PDIA5: variants seen among roughly 807,000 people sequenced by gnomAD.
PDIA5 encodes protein disulfide isomerase family A member 5.
Under a neutral mutation model 77.6 loss-of-function variants are expected in PDIA5, and 58 were observed. The observed-to-expected ratio is 0.75, with a 90% CI of 0.61 to 0.93. PDIA5 has a LOEUF of 0.93. Among genes scored for constraint, PDIA5 ranks in the 40% least tolerant of loss-of-function variants. PDIA5 has a pLI of 0.00. For missense variants in PDIA5, 630 were observed against 647.7 expected, an observed-to-expected ratio of 0.97 and a Z score of 0.30; for synonymous variants, 250 against 252.1, an observed-to-expected ratio of 0.99 and a Z score of 0.08.
chr3:123,130,773 C>G (rs960679398), intron 11 of PDIA5, among the ~76,000 whole-genome samples, 157 bp downstream of exon 11: 6 of 152,122 alleles, frequency 3.9e-5, no homozygotes, highest in Admixed American at 6.5e-5. Flanking sequence ...GAGGTCCCCA[C>G]CCTCGTAGTG....
At chr3:123,132,849 G>C (rs1214041827) in intron 11 of PDIA5, among the ~76,000 whole-genome samples, 1 of 152,170 alleles carries the variant, frequency 6.6e-6, no homozygotes, top group East Asian at 1.9e-4. Context: ...CCATGTGTCT[G>C]TCCTTCCAGT....
chr3:123,150,224 C>T lies in PDIA5; in HGVS notation c.1143-10C>T, dbSNP rs375623351. On this transcript the variant is annotated splice_polypyrimidine_tract_variant and intron_variant, in intron 13 of 16. Transcript: ENST00000316218. Reference sequence around the variant, plus strand: ...TATGGCTGCCTCCCCACTCCCCTGGCTTCTTGCAGCCCTGAGGCCCCCCCG... The same window carrying T: ...TATGGCTGCCTCCCCACTCCCCTGGTTTCTTGCAGCCCTGAGGCCCCCCCG... 5.7e-5 allele frequency: 91 copies of T among 1,606,830 alleles called. No individual in the cohort carries two copies. Among genetic ancestry groups the T allele is most frequent in the Non-Finnish European group, 7.1e-5 (84 of 1,175,978 alleles).
At chr3:123,102,631 TA>T in intron 4 of PDIA5, 119 bp from the exon 5 acceptor site, 7 of 818,900 alleles carry the variant, frequency 8.5e-6, no homozygotes, top group East Asian at 2.8e-5. Flanking sequence ...TTATTTCTTT[TA>T]AAAAAAAATC....
At chr3:123,121,275 A>G (rs1007430516) in intron 8 of PDIA5, among the ~76,000 whole-genome samples, 15 of 152,212 alleles carry the variant, frequency 9.9e-5, no homozygotes, top group African/African-American at 3.4e-4. Flanking sequence ...AGCCCACGCT[A>G]AGAAGCTGCC....
chr3:123,145,972 G>T, intron 12 of PDIA5, 127 bp from the exon 13 acceptor site: 1 of 849,636 alleles, frequency 1.2e-6, no homozygotes, highest in South Asian at 1.7e-5. Flanking sequence ...GGAGCCCACT[G>T]GGCTAGCCAC....
chr3:123,086,124 T>C (rs1934132029), intron 1 of PDIA5, among the ~76,000 whole-genome samples: 1 of 152,194 alleles, frequency 6.6e-6, no homozygotes, highest in South Asian at 2.1e-4. Context: ...TGAATTCCAA[T>C]GGCAGATTAT....
intron 1 of PDIA5, among the ~76,000 whole-genome samples, chr3:123,068,380 G>A (rs1933634736): frequency 1.3e-5 from 2 of 152,222 alleles, no homozygotes; most frequent in South Asian, 2.1e-4. Flanking sequence ...TTGGAAGTGG[G>A]TGGGGAAAGA....
At position 123,105,706 on chromosome 3, in the gene PDIA5, G is replaced by A. The variant is rs144422897; in HGVS notation, c.388-1043G>A. On this transcript the variant is annotated intron_variant, in intron 5 of 16. Coordinates refer to ENST00000316218, the MANE Select transcript of PDIA5 (RefSeq NM_006810.4). ...TGCACACCCTTACTATTATAGAAGG[G>A]CACTTCCCTTTCTCATCTCAGGCCA... Among the ~76,000 whole-genome samples the A allele has an allele frequency of 2.0e-5, 3 of 150,652 alleles. No individual in the cohort carries two copies. The East Asian group carries it at 5.9e-4, about 29-fold the overall frequency.
Position 123,130,483 on chromosome 3 carries a change from G to A in PDIA5, c.777G>A (p.Pro259=), listed in dbSNP as rs141894453. Residue 259 remains proline, a synonymous_variant, in exon 11 of 17, where the codon CCG becomes CCA. Coordinates refer to ENST00000316218, the MANE Select transcript of PDIA5 (RefSeq NM_006810.4). ...CTGCCTGTTTTTGGTCTTCCAGTCC[G>A]CAGCCGCCACAGCCCCAGGTCCCTG... The part of the protein sequence containing the change: ...AEDIVEWLKN[P]QPPQPQVPET... 20 of 1,612,886 alleles carry A rather than the reference G, an allele frequency of 1.2e-5. No homozygotes were observed. Among genetic ancestry groups the A allele is most frequent in the Admixed American group, 5.0e-5 (3 of 59,840 alleles).
intron 11 of PDIA5, among the ~76,000 whole-genome samples, chr3:123,138,344 T>C (rs1241431924): frequency 6.6e-6 from 1 of 152,050 alleles, no homozygotes; most frequent in Non-Finnish European, 1.5e-5. Context: ...TTAAAAATGC[T>C]TTTTTTTGTA....
chr3:123,137,987 C>T (rs1377630810), intron 11 of PDIA5, among the ~76,000 whole-genome samples: 7 of 152,142 alleles, frequency 4.6e-5, no homozygotes, highest in African/African-American at 1.7e-4. Context: ...ACTCTGTCAC[C>T]CAGGCTGGAA....
At chr3:123,099,927 C>T (rs1286608820) in intron 3 of PDIA5, among the ~76,000 whole-genome samples, 1 of 152,228 alleles carries the variant, frequency 6.6e-6, no homozygotes, top group African/African-American at 2.4e-5. Flanking sequence ...TGCCTTGCAG[C>T]GTCTGAGCCC....
At chr3:123,085,434 T>G (rs1290888292) in intron 1 of PDIA5, among the ~76,000 whole-genome samples, 1 of 152,190 alleles carries the variant, frequency 6.6e-6, no homozygotes, top group Non-Finnish European at 1.5e-5. Flanking sequence ...CTGGTTGGGC[T>G]TAACTTCTCT....
At chr3:123,151,590 C>A (rs1186648661) in intron 14 of PDIA5, among the ~76,000 whole-genome samples, 2 of 152,220 alleles carry the variant, frequency 1.3e-5, no homozygotes, top group Non-Finnish European at 2.9e-5. Context: ...TTCAGCTCCT[C>A]CCTGACTGAG....
chr3:123,161,482 G>A, intron 16 of PDIA5, 27 bp downstream of exon 16: 1 of 1,608,320 alleles, frequency 6.2e-7, no homozygotes, highest in Non-Finnish European at 8.5e-7. Context: ...CGTCTGCCCA[G>A]AGCTCTCTCT....
Position 123,067,155 on chromosome 3 carries a change from C to T in PDIA5, c.-10C>T. 8.0e-7 allele frequency: 1 copy of T among 1,246,684 alleles called. No homozygotes were observed. The allele number at this position is 1,246,684 out of a possible 1,614,324, so 77.2% of individuals were successfully genotyped here. A position where few individuals can be genotyped will look rare whatever the true frequency, so the allele number is the denominator to read the frequency against. On this transcript the variant is annotated 5_prime_UTR_variant, in exon 1 of 17. Transcript: ENST00000316218. Reference sequence around the variant, plus strand: ...GGAGAAAGGAGCCAGCGGTGGGCAGCGCTGCTGGGATGGCGCGGGCCGGGC... The same window carrying T: ...GGAGAAAGGAGCCAGCGGTGGGCAGTGCTGCTGGGATGGCGCGGGCCGGGC...
chr3:123,124,088 ACTC>A lies in PDIA5; in HGVS notation c.636_638del (p.Ser213del), dbSNP rs1560534352. ...CAGGTGCTGGCCGGGATGAATGTCTACTCCTCTGAATTTGAAAACATCAAGGAG... is the reference window on the plus strand; with the variant it reads ...CAGGTGCTGGCCGGGATGAATGTCTACTCTGAATTTGAAAACATCAAGGAG... On this transcript the variant is annotated inframe_deletion, in exon 9 of 17. Transcript: ENST00000316218. The A allele has an allele frequency of 2.5e-6, 4 of 1,613,636 alleles. No individual in the cohort carries two copies. The highest frequency in any genetic ancestry group is 1.1e-5 in the South Asian group (1 of 91,058).
intron 11 of PDIA5, among the ~76,000 whole-genome samples, chr3:123,132,551 G>A (rs963992165): frequency 9.9e-5 from 15 of 152,166 alleles, no homozygotes; most frequent in African/African-American, 3.6e-4. Flanking sequence ...CGCAATGAAG[G>A]GCGTCTGCCT....
intron 7 of PDIA5, 82 bp downstream of exon 7, chr3:123,111,086 G>C: frequency 1.1e-6 from 1 of 917,570 alleles, no homozygotes; most frequent in South Asian, 1.4e-5. Context: ...TGCGGGCGGG[G>C]TCTGGGGGAT....
Sources: allele counts gnomAD v4.1 joint callset (sites outside exome capture counted in the v4.1 genomes callset), GRCh38; gene constraint gnomAD v4.1.1; transcripts MANE v1.5; gene names NCBI Gene and HGNC (gene_info 2026-07-23, HGNC 2026-07-21).